Variants in KCNK10 observed in about 807,000 individuals in gnomAD.
KCNK10 encodes the protein potassium channel subfamily K member 10.
In KCNK10, 25 loss-of-function variants were observed where a neutral mutation model predicts 47.7. The observed-to-expected ratio is 0.52, with a 90% confidence interval of 0.38 to 0.73. KCNK10 has a LOEUF of 0.73. KCNK10 is among the 30% of genes least tolerant of loss of function. The pLI is 0.00. For missense variants in KCNK10, 563 were observed against 714.5 expected (o/e 0.79, Z 2.42); for synonymous variants, 303 against 285.6 (o/e 1.06, Z -0.61).
upstream of KCNK10, among the ~76,000 whole-genome samples, chr14:88,326,188 C>A (rs1258596723): frequency 7.4e-6 from 1 of 134,572 alleles, no homozygotes; most frequent in East Asian, 2.1e-4. Flanking sequence ...CCCGCCCCCC[C>A]CCAAAAAAAA....
At chr14:88,261,846 T>C (rs1887121731) in intron 2 of KCNK10, among the ~76,000 whole-genome samples, 1 of 152,114 alleles carries the variant, frequency 6.6e-6, no homozygotes, top group Admixed American at 6.6e-5. Context: ...TGCCCTTGGA[T>C]TTTTAACATT....
rs180852835 is a variant in KCNK10, at chr14:88,198,153, A to C, written c.682-5743T>G. ...ATGCCAACTGTAATGGACGACCTTT[A>C]AATCTTTGTCAGTCAGGCATTCAGA... On this transcript the variant is annotated intron_variant, in intron 4 of 6. Transcript: ENST00000319231. Among the ~76,000 whole-genome samples the C allele has an allele frequency of 7.2e-5, 11 of 152,296 alleles. No individual in the cohort carries two copies. In the East Asian group the frequency reaches 2.1e-3, roughly 29 times the overall value.
At chr14:88,271,821 T>A (rs1307575481) in intron 1 of KCNK10, among the ~76,000 whole-genome samples, 1 of 151,868 alleles carries the variant, frequency 6.6e-6, no homozygotes, top group East Asian at 1.9e-4. Flanking sequence ...GGGGTTCACA[T>A]GAGACTTAAA....
intron 2 of KCNK10, among the ~76,000 whole-genome samples, chr14:88,262,045 GAAAT>G (rs1887126851): frequency 6.6e-6 from 1 of 152,178 alleles, no homozygotes; most frequent in Non-Finnish European, 1.5e-5. Context: ...GGTATGGTAA[GAAAT>G]AAATAAATAA....
intron 4 of KCNK10, among the ~76,000 whole-genome samples, chr14:88,220,228 T>TAA (rs1337495899): frequency 6.6e-6 from 1 of 151,160 alleles, no homozygotes; most frequent in Non-Finnish European, 1.5e-5. Context: ...CCATCCCGGC[T>TAA]AAAACGGTGA....
At chr14:88,239,562 T>C (rs778590494) in intron 3 of KCNK10, among the ~76,000 whole-genome samples, 1 of 152,208 alleles carries the variant, frequency 6.6e-6, no homozygotes, top group Non-Finnish European at 1.5e-5. Flanking sequence ...ATTATACTTA[T>C]AAAGTTAACC....
In KCNK10 at chr14:88,227,403, C is replaced by T. The variant is rs886877952; in HGVS notation, c.653G>A (p.Ser218Asn). The T allele has an allele frequency of 6.2e-7, 1 of 1,612,300 alleles. No individual in the cohort carries two copies. Among genetic ancestry groups the T allele is most frequent in the African/African-American group, 1.3e-5 (1 of 74,792 alleles). ...GDQLGTIFGK[S>N]IARVEKVFRK... ...AAAGACCTTCTCCACTCTTGCAATG[C>T]TTTTCCCAAAGATGGTTCCAAGTTG... Residue 218 changes from serine (S) to asparagine (N), a missense_variant, in exon 4 of 7, where the codon AGC becomes AAC. Transcript: ENST00000319231.
At chr14:88,295,182 C>T (rs1009877940) in intron 1 of KCNK10, among the ~76,000 whole-genome samples, 1 of 152,126 alleles carries the variant, frequency 6.6e-6, no homozygotes, top group Non-Finnish European at 1.5e-5. Flanking sequence ...AGATTATTTC[C>T]CCTAAATTAA....
intron 2 of KCNK10, among the ~76,000 whole-genome samples, chr14:88,259,262 T>A (rs2037120023): frequency 6.6e-6 from 1 of 152,188 alleles, no homozygotes. Context: ...ATGTAATGAT[T>A]TGGTGCAATG....
chr14:88,280,671 C>A (rs976508117), intron 1 of KCNK10, among the ~76,000 whole-genome samples: 2 of 152,174 alleles, frequency 1.3e-5, no homozygotes, highest in Admixed American at 1.3e-4. Context: ...TAGGCAGGAT[C>A]CTGAGAGGCA....
intron 1 of KCNK10, among the ~76,000 whole-genome samples, chr14:88,304,257 G>T (rs1888163590): frequency 6.6e-6 from 1 of 152,114 alleles, no homozygotes; most frequent in African/African-American, 2.4e-5. Flanking sequence ...TGAGGCTGCA[G>T]TGAGCTAGGA....
At chr14:88,272,521 G>T (rs1887430977) in intron 1 of KCNK10, among the ~76,000 whole-genome samples, 1 of 152,176 alleles carries the variant, frequency 6.6e-6, no homozygotes, top group Non-Finnish European at 1.5e-5. Flanking sequence ...CCATGAATCA[G>T]CCTGGGGCAT....
chr14:88,234,154 T>C (rs1412359175), intron 3 of KCNK10, among the ~76,000 whole-genome samples: 3 of 152,188 alleles, frequency 2.0e-5, no homozygotes, highest in Non-Finnish European at 2.9e-5. Flanking sequence ...TACTAAATGG[T>C]GTCAGGCCAC....
At chr14:88,218,574 A>G (rs1374381831) in intron 4 of KCNK10, among the ~76,000 whole-genome samples, 2 of 152,010 alleles carry the variant, frequency 1.3e-5, no homozygotes, top group Admixed American at 6.6e-5. Flanking sequence ...AGAAAAAGAA[A>G]AAAAAAAAAA....
Position 88,263,275 on chromosome 14 carries a change from A to T in KCNK10, c.329T>A (p.Ile110Asn), listed in dbSNP as rs1233203918. ...CAGGAATTCCGCCTTCTCCAAGGCG[A>T]TGGTATTCTTCTGGCTGCTCTCAAA... ...QPFESSQKNT[I>N]ALEKAEFLRD... The change falls in exon 2 of 7, where the codon ATC (isoleucine) becomes AAC (asparagine). Residue 110 changes from isoleucine to asparagine, a missense_variant. Physicochemically the swap from Ile to Asn is moderately radical, Grantham distance 149. Transcript: ENST00000319231. The T allele has an allele frequency of 7.4e-6, 12 of 1,614,056 alleles. No homozygotes were observed. The highest frequency in any genetic ancestry group is 1.3e-5 in the African/African-American group (1 of 74,932).
chr14:88,190,589 G>A (rs1227234761), intron 5 of KCNK10, among the ~76,000 whole-genome samples: 1 of 151,938 alleles, frequency 6.6e-6, no homozygotes, highest in African/African-American at 2.4e-5. Flanking sequence ...CAGGCTTTCT[G>A]TAAATGATTT....
chr14:88,300,637 A>G (rs2139789542), intron 1 of KCNK10, among the ~76,000 whole-genome samples: 1 of 152,340 alleles, frequency 6.6e-6, no homozygotes, highest in South Asian at 2.1e-4. Flanking sequence ...TACTGCACTC[A>G]TCACAAAGAC....
chr14:88,193,010 G>C (rs926917157), intron 4 of KCNK10, among the ~76,000 whole-genome samples: 4 of 152,184 alleles, frequency 2.6e-5, no homozygotes, highest in Non-Finnish European at 5.9e-5. Context: ...CATTTTCCCT[G>C]CTGAGGCTGT....
intron 4 of KCNK10, among the ~76,000 whole-genome samples, chr14:88,208,147 T>A (rs61975830): frequency 0.22 from 33,057 of 152,200 alleles, 4,687 homozygotes; most frequent in Non-Finnish European, 0.31. Context: ...GAAAATTTGG[T>A]TGGTGGGTTC....
Sources: gnomAD v4.1 joint callset for allele counts (sites outside exome capture counted in the v4.1 genomes callset) on GRCh38, gnomAD v4.1.1 for gene constraint, MANE v1.5 for transcripts, NCBI Gene and HGNC (gene_info 2026-07-23, HGNC 2026-07-21) for gene names.